PODXL2: variants seen among roughly 807,000 people sequenced by gnomAD.
The protein encoded by PODXL2 is podocalyxin-like protein 2.
In PODXL2, 17 loss-of-function variants were observed where a neutral mutation model predicts 53.4. The ratio of observed to expected loss-of-function variants is 0.32; its 90% CI spans 0.22 to 0.48. The LOEUF (loss-of-function observed/expected upper bound fraction) is 0.48, where lower values mean the gene tolerates loss of function less well. PODXL2 is among the 20% of genes least tolerant of loss of function. The pLI is 0.99. For missense variants in PODXL2, 673 were observed against 760.0 expected (o/e 0.89, Z 1.35); for synonymous variants, 311 against 306.7 (o/e 1.01, Z -0.15).
chr3:127,661,223 G>A (rs780914310), intron 3 of PODXL2, 64 bp downstream of exon 3: 2 of 1,276,540 alleles, frequency 1.6e-6, no homozygotes, highest in Admixed American at 1.9e-5. Context: ...CCATCCCCAG[G>A]GCTAGTGTGG....
chr3:127,659,446 G>A (rs1396505208), intron 2 of PODXL2, among the ~76,000 whole-genome samples: 2 of 152,020 alleles, frequency 1.3e-5, no homozygotes, highest in South Asian at 2.1e-4. Flanking sequence ...CCTTTAGTTC[G>A]CTATCTTAAA....
chr3:127,658,515 T>C (rs2074740241), intron 2 of PODXL2, among the ~76,000 whole-genome samples: 1 of 152,096 alleles, frequency 6.6e-6, no homozygotes. Context: ...GTCTTTATTT[T>C]GCAATCACAC....
rs997026381 is a variant in PODXL2, at chr3:127,656,962, G to T, written c.350-3416G>T. On this transcript the variant is annotated intron_variant, in intron 2 of 7. Transcript: ENST00000342480. Reference sequence around the variant, plus strand: ...AGGCCGAGGTGGGAGGATCACTTGAGCCTCGGAGTTTGAGGCTGCAGTGAG... The same window carrying T: ...AGGCCGAGGTGGGAGGATCACTTGATCCTCGGAGTTTGAGGCTGCAGTGAG... 2.0e-5 allele frequency among the ~76,000 whole-genome samples: 3 copies of T among 150,666 alleles called. No individual in the cohort carries two copies. In the East Asian group the frequency reaches 6.0e-4, roughly 30 times the overall value.
intron 2 of PODXL2, among the ~76,000 whole-genome samples, chr3:127,647,037 C>T (rs1037818999): frequency 2.6e-5 from 4 of 152,102 alleles, no homozygotes; most frequent in African/African-American, 9.7e-5. Flanking sequence ...TCCCCGGGCC[C>T]AGTGGGAAAA....
intron 4 of PODXL2, among the ~76,000 whole-genome samples, chr3:127,663,497 A>C (rs1481654900): frequency 6.6e-6 from 1 of 152,236 alleles, no homozygotes; most frequent in Non-Finnish European, 1.5e-5. Flanking sequence ...AGGGACATGC[A>C]TGCGTTGAAT....
chr3:127,643,214 C>CT (rs906351338), intron 2 of PODXL2, among the ~76,000 whole-genome samples: 37 of 151,500 alleles, frequency 2.4e-4, no homozygotes, highest in African/African-American at 7.5e-4. Flanking sequence ...CTTAAAATTA[C>CT]TTTTTTTTTC....
At position 127,660,553 on chromosome 3, in the gene PODXL2, G is replaced by A; in HGVS notation, c.525G>A (p.Lys175=). ...EEEEEEEERE[K]EEVEKQEEEE... ...AAGAGGAAGAGGAGGAGAGGGAGAA[G>A]GAAGAGGTAGAGAAACAAGAGGAGG... Residue 175 remains lysine, a synonymous_variant, in exon 3 of 8, where the codon AAG becomes AAA. Coordinates refer to ENST00000342480, the MANE Select transcript of PODXL2 (RefSeq NM_015720.4). 6.2e-7 allele frequency: 1 copy of A among 1,613,758 alleles called. No homozygotes were observed. Among genetic ancestry groups the A allele is most frequent in the Non-Finnish European group, 8.5e-7 (1 of 1,179,688 alleles).
rs115979715 is a variant in PODXL2, at chr3:127,632,352, G to A, written c.70+3063G>A. Among the ~76,000 whole-genome samples the A allele has an allele frequency of 7.3e-3, 1,111 of 152,304 alleles. 11 individuals carry two copies. Among genetic ancestry groups the A allele is most frequent in the African/African-American group, 0.024 (1,001 of 41,552 alleles). On this transcript the variant is annotated intron_variant, in intron 1 of 7. Transcript: ENST00000342480. ...AGTGCCAAGGTTTGAGAGACAACCC[G>A]TGTTTAATCCTTCAGTGGTTTTGTA...
intron 4 of PODXL2, 71 bp from the exon 5 acceptor site, chr3:127,668,370 G>C: frequency 1.5e-6 from 2 of 1,355,766 alleles, no homozygotes; most frequent in Non-Finnish European, 1.9e-6. Context: ...ACGGGGCTGG[G>C]CCTAGAGGCA....
chr3:127,651,857 G>A (rs1458346599), intron 2 of PODXL2, among the ~76,000 whole-genome samples: 1 of 152,256 alleles, frequency 6.6e-6, no homozygotes, highest in Non-Finnish European at 1.5e-5. Context: ...ATGGAGAGGT[G>A]GGTGTGTGGC....
At chr3:127,644,321 C>G (rs1309660166) in intron 2 of PODXL2, among the ~76,000 whole-genome samples, 1 of 152,130 alleles carries the variant, frequency 6.6e-6, no homozygotes, top group African/African-American at 2.4e-5. Flanking sequence ...GTTGCCCAGG[C>G]TGACTGAACT....
At chr3:127,637,387 G>T (rs569603564) in intron 1 of PODXL2, among the ~76,000 whole-genome samples, 1 of 152,014 alleles carries the variant, frequency 6.6e-6, no homozygotes, top group South Asian at 2.1e-4. Context: ...TTTTTCCCCG[G>T]GCCATGAACT....
chr3:127,636,542 A>G (rs1419864329), intron 1 of PODXL2, among the ~76,000 whole-genome samples: 4 of 152,248 alleles, frequency 2.6e-5, no homozygotes, highest in Non-Finnish European at 5.9e-5. Context: ...ACCACAAAAT[A>G]TGAGATGGCT....
At chr3:127,637,376 T>A (rs1015632445) in intron 1 of PODXL2, among the ~76,000 whole-genome samples, 1 of 152,170 alleles carries the variant, frequency 6.6e-6, no homozygotes, top group African/African-American at 2.4e-5. Flanking sequence ...TTTTAAATAT[T>A]TTTTTCCCCG....
At position 127,629,290 on chromosome 3, in the gene PODXL2, G is replaced by T; in HGVS notation, c.70+1G>T. 1 of 1,020,672 alleles carries T rather than the reference G, an allele frequency of 9.8e-7. No individual in the cohort carries two copies. 63.2% of individuals were successfully genotyped at this position (1,020,672 alleles called of 1,614,324 possible). A position where few individuals can be genotyped will look rare whatever the true frequency, so the allele number is the denominator to read the frequency against. On this transcript the variant is annotated splice_donor_variant, in intron 1 of 7. Transcript: ENST00000342480. LOFTEE classifies it high-confidence loss of function. The surrounding 1 kb of genome is among the most constrained non-coding windows in gnomAD (Gnocchi z 6.4). Reference sequence around the variant, plus strand: ...CCGCTGCTGCTTCTGCTGGTTGGGGGTGAGTGCGCTCCGGGCCCGAGCGCG... The same window carrying T: ...CCGCTGCTGCTTCTGCTGGTTGGGGTTGAGTGCGCTCCGGGCCCGAGCGCG...
intron 2 of PODXL2, among the ~76,000 whole-genome samples, chr3:127,653,982 G>T (rs969051346): frequency 3.3e-5 from 5 of 152,258 alleles, no homozygotes; most frequent in African/African-American, 1.2e-4. Flanking sequence ...TCAAAATCAG[G>T]AAATTAACAC....
chr3:127,662,995 C>T (rs999554863), intron 4 of PODXL2, among the ~76,000 whole-genome samples: 5 of 152,198 alleles, frequency 3.3e-5, no homozygotes, highest in African/African-American at 9.7e-5. Context: ...TATTCATGTA[C>T]TGTCTCTTCC....
chr3:127,672,276 C>T lies in PODXL2; in HGVS notation c.1614C>T (p.Gly538=), dbSNP rs2074852975. The T allele has an allele frequency of 6.5e-7, 1 of 1,544,316 alleles. No individual in the cohort carries two copies. Among genetic ancestry groups the T allele is most frequent in the Non-Finnish European group, 8.7e-7 (1 of 1,146,884 alleles). Residue 538 remains glycine, a synonymous_variant, in exon 8 of 8, where the codon GGC becomes GGT. Coordinates refer to ENST00000342480, the MANE Select transcript of PODXL2 (RefSeq NM_015720.4). ...RLPKLKHVSH[G]EELRFVENGC... is the part of the protein sequence containing the mutation. ...TCCCCACCCCGCCTCAGTCGCACGG[C>T]GAGGAGCTGCGCTTCGTGGAGAACG... is the stretch of plus-strand genomic sequence containing the variant.
rs116296535 is a variant in PODXL2 at position 127,660,974 on chromosome 3, A to C, written c.946A>C (p.Ser316Arg). ...TTCATTCCCTCAAACCACAGCTCCCAGTGGGGCCGAGCACCCAGATGAAGA... is the reference window on the plus strand; with the variant it reads ...TTCATTCCCTCAAACCACAGCTCCCCGTGGGGCCGAGCACCCAGATGAAGA... ...LPSFPQTTAP[S>R]GAEHPDEDPL... is the part of the protein sequence containing the mutation. Residue 316 changes from serine (S) to arginine (R), a missense_variant, in exon 3 of 8, where the codon AGT becomes CGT. Ser to Arg is a moderately radical substitution (Grantham distance 110). Around this residue, in one of 3 missense-constraint regions of PODXL2, gnomAD observed 588 missense variants for 668.3 expected, o/e 0.88. Transcript: ENST00000342480. The C allele has an allele frequency of 6.2e-7, 1 of 1,614,216 alleles. No homozygotes were observed. Among genetic ancestry groups the C allele is most frequent in the Non-Finnish European group, 8.5e-7 (1 of 1,180,034 alleles).
Sources: allele counts gnomAD v4.1 joint callset (sites outside exome capture counted in the v4.1 genomes callset), GRCh38; gene constraint gnomAD v4.1.1; regional missense constraint gnomAD v4.1.1; non-coding constraint Gnocchi (gnomAD v3.1); transcripts MANE v1.5; gene names NCBI Gene and HGNC (gene_info 2026-07-23, HGNC 2026-07-21).